The following SLC6A7 variants were observed in gnomAD, a reference collection of about 807,000 sequenced individuals.
SLC6A7 encodes the protein solute carrier family 6 member 7, also known as sodium-dependent proline transporter.
SLC6A7 carries 58 observed loss-of-function variants against 73.1 expected under a neutral mutation model. That is an observed-to-expected ratio of 0.79 (90% CI 0.64 to 0.99). The LOEUF (loss-of-function observed/expected upper bound fraction) is 0.99, where lower values mean the gene tolerates loss of function less well. Ranked by LOEUF, SLC6A7 falls within the 50% of genes least tolerant of loss-of-function variation. SLC6A7 has a pLI of 0.00. For missense variants in SLC6A7, 783 were observed against 831.4 expected (o/e 0.94, Z 0.72); for synonymous variants, 338 against 338.7 (o/e 1.00, Z 0.02).
Position 150,194,853 on chromosome 5 carries a change from C to T in SLC6A7, c.159C>T (p.Tyr53=). The T allele has an allele frequency of 6.2e-7, 1 of 1,614,184 alleles. No homozygotes were observed. Among genetic ancestry groups the T allele is most frequent in the Non-Finnish European group, 8.5e-7 (1 of 1,180,022 alleles). ...KLDFLLSCIG[Y]CVGLGNVWRF... ...ACTTCCTGCTGTCCTGCATTGGCTA[C>T]TGTGTAGGCCTGGGGAATGTCTGGC... The change falls in exon 2 of 14, where the codon TAC becomes TAT. Residue 53 remains tyrosine (Y), a synonymous_variant. Coordinates refer to ENST00000230671, the MANE Select transcript of SLC6A7 (RefSeq NM_014228.5).
intron 13 of SLC6A7, 66 bp from the exon 14 acceptor site, chr5:150,209,340 C>A: frequency 2.2e-6 from 3 of 1,346,526 alleles, no homozygotes; most frequent in Non-Finnish European, 3.2e-6. Flanking sequence ...GGGTGTCTGG[C>A]CACAGTGAAC....
rs747707039 is a variant in SLC6A7, at chr5:150,204,595, G to A, written c.1396G>A (p.Val466Ile). Residue 466 changes from valine to isoleucine, a missense_variant, in exon 11 of 14, where the codon GTT becomes ATT. Coordinates refer to ENST00000230671, the MANE Select transcript of SLC6A7 (RefSeq NM_014228.5). ...CGCCAGCTTCGGGCTGATGGTGGTGGTTATCACCACGTGCCTTGCCGTGAC... is the reference window on the plus strand; with the variant it reads ...CGCCAGCTTCGGGCTGATGGTGGTGATTATCACCACGTGCCTTGCCGTGAC... ...YSASFGLMVV[V>I]ITTCLAVTRV... 1.3e-5 allele frequency: 21 copies of A among 1,613,260 alleles called. No homozygotes were observed. The highest frequency in any genetic ancestry group is 1.8e-5 in the Non-Finnish European group (21 of 1,179,256).
intron 5 of SLC6A7, 152 bp downstream of exon 5, chr5:150,199,518 G>A (rs1369347560): frequency 3.4e-6 from 2 of 590,758 alleles, no homozygotes; most frequent in South Asian, 2.5e-5. Context: ...GATGAGGGCT[G>A]CTTGAAGAGA....
intron 5 of SLC6A7, among the ~76,000 whole-genome samples, chr5:150,200,777 T>A (rs1753337725): frequency 6.6e-6 from 1 of 151,970 alleles, no homozygotes; most frequent in African/African-American, 2.4e-5. Flanking sequence ...AGTTTGGGAA[T>A]GTTGAATGTC....
chr5:150,190,507 G>A, intron 1 of SLC6A7, 147 bp downstream of exon 1: 1 of 551,620 alleles, frequency 1.8e-6, no homozygotes, highest in African/African-American at 2.0e-5. Flanking sequence ...GGATAACAGG[G>A]AGGGTCAGGG....
chr5:150,194,953 G>C lies in SLC6A7; in HGVS notation c.217+42G>C, dbSNP rs760336760. ...CTGTCGGAGGGTGTCTGGGGTGATG[G>C]GCCAAGGCCCTGGGGTACAGTGAGC... On this transcript the variant is annotated intron_variant, in intron 2 of 13. Coordinates refer to ENST00000230671, the MANE Select transcript of SLC6A7 (RefSeq NM_014228.5). 2.6e-6 allele frequency: 4 copies of C among 1,568,458 alleles called. No individual in the cohort carries two copies. The East Asian group carries it at 9.0e-5, about 35-fold the overall frequency.
rs541441095 is a variant in SLC6A7, at chr5:150,199,242, A to G, written c.599A>G (p.His200Arg). The change falls in exon 5 of 14, where the codon CAC becomes CGC. Residue 200 changes from histidine to arginine, a missense_variant. Physicochemically the swap from His to Arg is conservative, Grantham distance 29 (BLOSUM62 0). Transcript: ENST00000230671. ...GTCTCCCACAGCCGCTACGTCCTCC[A>G]CATCCAAGGCAGCCAGGGCATCGGC... is the stretch of plus-strand genomic sequence containing the variant. ...SEEYWSRYVL[H>R]IQGSQGIGSP... The G allele has an allele frequency of 6.2e-6, 10 of 1,606,044 alleles. No homozygotes were observed. In the African/African-American group the frequency reaches 9.4e-5, roughly 15 times the overall value.
chr5:150,194,967 G>A, intron 2 of SLC6A7, 56 bp downstream of exon 2: 1 of 1,504,236 alleles, frequency 6.6e-7, no homozygotes, highest in Non-Finnish European at 9.2e-7. Flanking sequence ...AAGGCCCTGG[G>A]GTACAGTGAG....
chr5:150,201,067 C>T (rs1314359125), intron 5 of SLC6A7, 22 bp from the exon 6 acceptor site: 10 of 1,612,502 alleles, frequency 6.2e-6, no homozygotes, highest in Non-Finnish European at 8.5e-6. Context: ...ATGCCATCAG[C>T]TCCTCACTTA....
In SLC6A7 at chr5:150,204,489, C is replaced by T. The variant is rs756978851; in HGVS notation, c.1333-43C>T. On this transcript the variant is annotated intron_variant, in intron 10 of 13. Transcript: ENST00000230671. ...CAGGAGAAGGGGCTGTAGCAGAGAA[C>T]GAGGCCCAGGAAGGGGACACCAGAA... 25 of 1,454,850 alleles carry T rather than the reference C, an allele frequency of 1.7e-5. No homozygotes were observed. The East Asian group carries it at 2.5e-4, about 15-fold the overall frequency. The allele number at this position is 1,454,850 out of a possible 1,614,324, so 90.1% of individuals were successfully genotyped here.
chr5:150,190,356 G>T lies in SLC6A7; in HGVS notation c.29G>T (p.Arg10Leu). MKKLQGAHL[R>L]KPVTPDLLMT... ...AAGAAGCTCCAGGGAGCTCACCTCC[G>T]CAAGGTAGGGCACGAGGGCGGGGGC... Residue 10 changes from arginine to leucine, a missense_variant, in exon 1 of 14, where the codon CGC (arginine) becomes CTC (leucine). Coordinates refer to ENST00000230671, the MANE Select transcript of SLC6A7 (RefSeq NM_014228.5). The T allele has an allele frequency of 6.7e-7, 1 of 1,498,810 alleles. No individual in the cohort carries two copies. Among genetic ancestry groups the T allele is most frequent in the East Asian group, 2.9e-5 (1 of 34,710 alleles). 92.8% of individuals were successfully genotyped at this position (1,498,810 alleles called of 1,614,324 possible).
At chr5:150,199,130 A>T in intron 4 of SLC6A7, 98 bp from the exon 5 acceptor site, 3 of 1,433,852 alleles carry the variant, frequency 2.1e-6, no homozygotes, top group Non-Finnish European at 2.8e-6. Flanking sequence ...TCAAGTGGAG[A>T]ACAGCAGTAG....
chr5:150,196,985 C>G, intron 3 of SLC6A7, 57 bp from the exon 4 acceptor site: 1 of 1,562,356 alleles, frequency 6.4e-7, no homozygotes, highest in African/African-American at 1.3e-5. Context: ...AGAAGCCACT[C>G]CACCCGGCTG....
Position 150,204,827 on chromosome 5 carries a change from G to A in SLC6A7, c.1433G>A (p.Gly478Asp). 1 of 1,607,052 alleles carries A rather than the reference G, an allele frequency of 6.2e-7. No individual in the cohort carries two copies. Among genetic ancestry groups the A allele is most frequent in the Non-Finnish European group, 8.5e-7 (1 of 1,173,906 alleles). The change falls in exon 12 of 14, where the codon GGC (glycine) becomes GAC (aspartate). Residue 478 changes from glycine to aspartate, a missense_variant and splice_region_variant. Transcript: ENST00000230671. Reference protein sequence around the residue: ...TTCLAVTRVYGIQRFCRDIHM... With the variant: ...TTCLAVTRVYDIQRFCRDIHM... The stretch of plus-strand genomic sequence containing the variant: ...ATTCCTCCTCCCCTCCCCTGTGCAG[G>A]CATTCAGAGGTTCTGCCGAGACATC...
intron 1 of SLC6A7, among the ~76,000 whole-genome samples, chr5:150,192,377 T>A (rs1752827827): frequency 6.6e-6 from 1 of 152,320 alleles, no homozygotes; most frequent in South Asian, 2.1e-4. Context: ...AAGGCGAGCA[T>A]GCAGGTCTGA....
At chr5:150,190,683 C>T (rs1019510958) in intron 1 of SLC6A7, among the ~76,000 whole-genome samples, 1 of 152,190 alleles carries the variant, frequency 6.6e-6, no homozygotes, top group African/African-American at 2.4e-5. Context: ...CCAATTCCAC[C>T]CTGCTGCTCC....
At chr5:150,196,678 G>T in intron 2 of SLC6A7, 38 bp from the exon 3 acceptor site, 1 of 1,591,750 alleles carries the variant, frequency 6.3e-7, no homozygotes. Context: ...TGGGGGAGCT[G>T]CCCCCAAGGC....
In SLC6A7 at chr5:150,204,571, G is replaced by A. The variant is rs751188255; in HGVS notation, c.1372G>A (p.Ala458Thr). Residue 458 changes from alanine (A) to threonine (T), a missense_variant, in exon 11 of 14, where the codon GCC becomes ACC. Ala to Thr is a moderately conservative substitution (Grantham distance 58). Transcript: ENST00000230671. ...GCTGGTCCTTCTGGATGACTACAGC[G>A]CCAGCTTCGGGCTGATGGTGGTGGT... ...YWLVLLDDYS[A>T]SFGLMVVVIT... The A allele has an allele frequency of 1.1e-5, 18 of 1,614,034 alleles. No homozygotes were observed. The South Asian group carries it at 1.2e-4, about 11-fold the overall frequency.
At chr5:150,198,105 AAGAAAGAAAGAGAAAGAAAG>A (rs1562085382) in intron 4 of SLC6A7, among the ~76,000 whole-genome samples, 4 of 103,260 alleles carry the variant, frequency 3.9e-5, no homozygotes, top group African/African-American at 1.4e-4. Flanking sequence ...GAAAGAAAGA[AAGAAAGAAAGAGAAAGAAAG>A]AAAGAAAGAA....
Sources: allele counts gnomAD v4.1 joint callset (sites outside exome capture counted in the v4.1 genomes callset), GRCh38; gene constraint gnomAD v4.1.1; transcripts MANE v1.5; gene names NCBI Gene and HGNC (gene_info 2026-07-23, HGNC 2026-07-21).